The following SLCO1B1 variants were observed in gnomAD, a reference collection of about 807,000 sequenced individuals.
SLCO1B1 encodes solute carrier organic anion transporter family member 1B1.
SLCO1B1 carries 81 observed loss-of-function variants against 70.1 expected under a neutral mutation model. That is an observed-to-expected ratio of 1.16 (90% CI 0.97 to 1.39). The LOEUF (loss-of-function observed/expected upper bound fraction) is 1.39. Ranked by LOEUF, SLCO1B1 falls within the 40% of genes most tolerant of loss-of-function variation. The pLI is 0.00. For missense variants in SLCO1B1, 895 were observed against 799.6 expected, an observed-to-expected ratio of 1.12 and a Z score of -1.44; for synonymous variants, 283 against 271.5, an observed-to-expected ratio of 1.04 and a Z score of -0.42.
intron 2 of SLCO1B1, among the ~76,000 whole-genome samples, chr12:21,154,495 T>C (rs1490917542): frequency 6.6e-6 from 1 of 152,128 alleles, no homozygotes; most frequent in Non-Finnish European, 1.5e-5. Context: ...TCTTATATGC[T>C]ATATTTTGCT....
chr12:21,228,188 A>G (rs1213570833), intron 14 of SLCO1B1, among the ~76,000 whole-genome samples: 1 of 152,038 alleles, frequency 6.6e-6, no homozygotes, highest in East Asian at 1.9e-4. Flanking sequence ...ATCTAGGGTC[A>G]TTTTCCTTCT....
intron 2 of SLCO1B1, among the ~76,000 whole-genome samples, chr12:21,143,729 G>A (rs1404701905): frequency 6.6e-6 from 1 of 151,962 alleles, no homozygotes; most frequent in Non-Finnish European, 1.5e-5. Flanking sequence ...AATAAATGTG[G>A]ATTTTTGTAA....
Position 21,210,776 on chromosome 12 carries a change from A to G in SLCO1B1, c.1497+4743A>G, listed in dbSNP as rs1941273133. Reference sequence around the variant, plus strand: ...AGTTCTCCTTGAAGAGGTCCTTCACATCGCTTGTAAGTTGGATTCCTAGGT... The same window carrying G: ...AGTTCTCCTTGAAGAGGTCCTTCACGTCGCTTGTAAGTTGGATTCCTAGGT... On this transcript the variant is annotated intron_variant, in intron 11 of 14. Transcript: ENST00000256958. 4.0e-5 allele frequency among the ~76,000 whole-genome samples: 6 copies of G among 149,324 alleles called. 1 individual carries two copies. In the South Asian group the frequency reaches 8.4e-4, roughly 21 times the overall value.
chr12:21,180,616 C>T (rs1204986375), intron 7 of SLCO1B1, among the ~76,000 whole-genome samples: 1 of 152,142 alleles, frequency 6.6e-6, no homozygotes, highest in East Asian at 1.9e-4. Flanking sequence ...ATGGGATAGA[C>T]ATCACAGTGG....
At chr12:21,235,139 G>C (rs1328197283) in intron 14 of SLCO1B1, among the ~76,000 whole-genome samples, 9 of 145,352 alleles carry the variant, frequency 6.2e-5, no homozygotes, top group Non-Finnish European at 1.2e-4. Context: ...AGTGCTGTCA[G>C]TCTGGTGTCG....
At position 21,224,821 on chromosome 12, in the gene SLCO1B1, A is replaced by G; in HGVS notation, c.1847A>G (p.Tyr616Cys). 1 of 1,584,472 alleles carries G rather than the reference A, an allele frequency of 6.3e-7. No individual in the cohort carries two copies. The highest frequency in any genetic ancestry group is 8.6e-7 in the Non-Finnish European group (1 of 1,156,864). The change falls in exon 14 of 15, where the codon TAT becomes TGT. Residue 616 changes from tyrosine (Y) to cysteine (C), a missense_variant. Transcript: ENST00000256958. ...NCGTRGSCRT[Y>C]NSTSFSRVYL... ...GGCACACGTGGGTCATGTAGGACAT[A>G]TAATTCCACATCATTTTCGTAAGTT...
chr12:21,163,631 A>G (rs1940649227), intron 2 of SLCO1B1, among the ~76,000 whole-genome samples: 1 of 152,178 alleles, frequency 6.6e-6, no homozygotes, highest in Admixed American at 6.5e-5. Flanking sequence ...GGGTGCCAGT[A>G]TGGTTAGCTT....
intron 11 of SLCO1B1, among the ~76,000 whole-genome samples, chr12:21,211,597 C>A (rs1591822322): frequency 6.6e-6 from 1 of 151,992 alleles, no homozygotes. Flanking sequence ...GGGAGGATTC[C>A]CTCTTTTTCT....
At chr12:21,201,495 G>A (rs1389734136) in intron 9 of SLCO1B1, among the ~76,000 whole-genome samples, 4 of 151,952 alleles carry the variant, frequency 2.6e-5, no homozygotes, top group Non-Finnish European at 4.4e-5. Context: ...GTTATAGGAG[G>A]GATTAAACAT....
At chr12:21,218,175 C>A (rs1328598413) in intron 12 of SLCO1B1, among the ~76,000 whole-genome samples, 1 of 151,976 alleles carries the variant, frequency 6.6e-6, no homozygotes, top group Non-Finnish European at 1.5e-5. Context: ...CAGGAAAGAG[C>A]TGGTGTGTTT....
chr12:21,174,494 C>T, intron 3 of SLCO1B1, 83 bp from the exon 4 acceptor site: 1 of 1,359,766 alleles, frequency 7.4e-7, no homozygotes. Context: ...GTCTTGGACT[C>T]TATTTGCATC....
chr12:21,216,609 A>T (rs1292010812), intron 11 of SLCO1B1, among the ~76,000 whole-genome samples: 1 of 152,098 alleles, frequency 6.6e-6, no homozygotes, highest in East Asian at 1.9e-4. Context: ...GCTAAATTAA[A>T]ATTTTAGCAT....
At chr12:21,230,728 A>G (rs1026174119) in intron 14 of SLCO1B1, among the ~76,000 whole-genome samples, 11 of 152,148 alleles carry the variant, frequency 7.2e-5, no homozygotes, top group Non-Finnish European at 1.0e-4. Flanking sequence ...TGCTGCTGCT[A>G]TCATCTGAAG....
At chr12:21,216,824 T>C (rs887524472) in intron 11 of SLCO1B1, among the ~76,000 whole-genome samples, 2 of 152,138 alleles carry the variant, frequency 1.3e-5, no homozygotes, top group Non-Finnish European at 1.5e-5. Context: ...TTAAAGAGAA[T>C]CTATAGTGAT....
intron 14 of SLCO1B1, among the ~76,000 whole-genome samples, chr12:21,238,262 A>G (rs1354276641): frequency 6.6e-6 from 1 of 152,144 alleles, no homozygotes; most frequent in Admixed American, 6.5e-5. Context: ...TATTTCTGCT[A>G]CAGAATTTTT....
intron 11 of SLCO1B1, among the ~76,000 whole-genome samples, chr12:21,211,735 C>T (rs1941288520): frequency 6.6e-6 from 1 of 152,174 alleles, no homozygotes; most frequent in Admixed American, 6.5e-5. Flanking sequence ...GCCACAATTT[C>T]AGATCCTGTT....
intron 14 of SLCO1B1, among the ~76,000 whole-genome samples, chr12:21,233,359 G>A (rs181432584): frequency 5.8e-4 from 88 of 152,104 alleles, no homozygotes; most frequent in Admixed American, 2.0e-3. Context: ...ACACAACAAA[G>A]ACAAGACAGA....
intron 12 of SLCO1B1, 49 bp downstream of exon 12, chr12:21,217,352 C>T: frequency 7.3e-7 from 1 of 1,375,808 alleles, no homozygotes. Flanking sequence ...ACTATAAACA[C>T]ACCTAATGAT....
intron 9 of SLCO1B1, among the ~76,000 whole-genome samples, chr12:21,200,963 G>T (rs941332501): frequency 8.5e-5 from 13 of 152,048 alleles, no homozygotes; most frequent in African/African-American, 2.9e-4. Flanking sequence ...TTAGTGCTAA[G>T]ATCTGAGACA....
Sources: gnomAD v4.1 joint callset for allele counts (sites outside exome capture counted in the v4.1 genomes callset) on GRCh38, gnomAD v4.1.1 for gene constraint, MANE v1.5 for transcripts, NCBI Gene and HGNC (gene_info 2026-07-23, HGNC 2026-07-21) for gene names.